Variants in GMPR observed in about 807,000 individuals in gnomAD.
The protein encoded by GMPR is GMP reductase 1.
In GMPR, 31 loss-of-function variants were observed where a neutral mutation model predicts 38.4. That is an observed-to-expected ratio of 0.81 (90% confidence interval 0.61 to 1.09). GMPR has a LOEUF of 1.09. Among genes scored for constraint, GMPR ranks in the 50% least tolerant of loss-of-function variants. The pLI is 0.00. For synonymous variants in GMPR, 162 were observed against 173.3 expected (o/e 0.93, Z 0.51); for missense variants, 468 against 453.7 (o/e 1.03, Z -0.29).
intron 1 of GMPR, among the ~76,000 whole-genome samples, chr6:16,244,074 C>T (rs981566236): frequency 3.3e-5 from 5 of 150,614 alleles, no homozygotes; most frequent in African/African-American, 9.7e-5. Flanking sequence ...TGTTCTGGTG[C>T]CTTTCTGGTT....
intron 5 of GMPR, among the ~76,000 whole-genome samples, chr6:16,278,402 G>C (rs550148602): frequency 6.6e-6 from 1 of 152,280 alleles, no homozygotes; most frequent in South Asian, 2.1e-4. Flanking sequence ...ATTCTGAGAG[G>C]TCCTTTAAAG....
intron 1 of GMPR, 125 bp downstream of exon 1, chr6:16,238,905 C>A: frequency 2.7e-6 from 1 of 372,266 alleles, no homozygotes; most frequent in South Asian, 6.9e-5. Context: ...TGGGGCGCTG[C>A]GCCCCCGTTC....
At chr6:16,243,657 G>A (rs1758696129) in intron 1 of GMPR, among the ~76,000 whole-genome samples, 1 of 152,162 alleles carries the variant, frequency 6.6e-6, no homozygotes, top group Admixed American at 6.5e-5. Flanking sequence ...GCTTTACTCG[G>A]TACCATCTGT....
At chr6:16,278,932 G>GC in intron 6 of GMPR, 42 bp downstream of exon 6, 6 of 1,234,092 alleles carry the variant, frequency 4.9e-6, no homozygotes, top group Non-Finnish European at 7.1e-6. Context: ...GTCTTGGGAG[G>GC]CCCCTGCTCC....
chr6:16,287,304 C>T (rs745694687), intron 7 of GMPR, among the ~76,000 whole-genome samples: 13 of 152,170 alleles, frequency 8.5e-5, no homozygotes, highest in African/African-American at 3.1e-4. Flanking sequence ...GGTGGTGGTC[C>T]ATCTTGGACT....
intron 4 of GMPR, among the ~76,000 whole-genome samples, chr6:16,261,075 G>A (rs914703280): frequency 4.6e-5 from 7 of 151,876 alleles, no homozygotes; most frequent in South Asian, 2.1e-4. Flanking sequence ...GGCGGCAGCC[G>A]CTGCACGGAG....
chr6:16,250,222 T>G, intron 2 of GMPR, 62 bp from the exon 3 acceptor site: 1 of 871,694 alleles, frequency 1.1e-6, no homozygotes, highest in Non-Finnish European at 2.0e-6. Flanking sequence ...CACCTCCAGA[T>G]GGAGGAGGGA....
intron 4 of GMPR, among the ~76,000 whole-genome samples, chr6:16,271,666 A>T (rs925627647): frequency 6.6e-6 from 1 of 152,146 alleles, no homozygotes; most frequent in African/African-American, 2.4e-5. Flanking sequence ...TCCTCGCACT[A>T]TAAAAAACAA....
intron 4 of GMPR, chr6:16,262,136 G>A (rs929613840): frequency 2.6e-5 from 4 of 151,804 alleles, no homozygotes; most frequent in African/African-American, 7.3e-5. Context: ...GCAATGTGGA[G>A]TGGGTAGCCT....
At position 16,254,582 on chromosome 6, in the gene GMPR, C is replaced by T; in HGVS notation, c.312C>T (p.Gly104=). The T allele has an allele frequency of 1.9e-6, 3 of 1,613,946 alleles. No homozygotes were observed. Among genetic ancestry groups the T allele is most frequent in the Non-Finnish European group, 2.5e-6 (3 of 1,179,822 alleles). ...TGCAGAATGTAGCCGTGAGTTCAGG[C>T]AGTGGGCAGAATGATCTGGAAAAGA... is the stretch of plus-strand genomic sequence containing the variant. ...ECLQNVAVSS[G]SGQNDLEKMT... is the part of the protein sequence containing the mutation. Residue 104 remains glycine, a synonymous_variant, in exon 4 of 9, where the codon GGC becomes GGT. Transcript: ENST00000259727.
intron 4 of GMPR, among the ~76,000 whole-genome samples, chr6:16,267,405 C>A (rs1372057983): frequency 1.3e-5 from 2 of 151,302 alleles, no homozygotes. Flanking sequence ...CTGTGAAGGT[C>A]TGTGGCTTCA....
At chr6:16,274,633 CA>C (rs1232941084) in intron 5 of GMPR, 137 bp downstream of exon 5, 40 of 606,520 alleles carry the variant, frequency 6.6e-5, no homozygotes, top group Non-Finnish European at 9.7e-5. Context: ...TTTCTGGAAG[CA>C]TAATTGAGCT....
intron 1 of GMPR, among the ~76,000 whole-genome samples, chr6:16,244,050 G>T (rs957244595): frequency 1.3e-5 from 2 of 151,958 alleles, no homozygotes; most frequent in African/African-American, 4.8e-5. Context: ...GCCAGGGCCG[G>T]CTCCCCGCTA....
chr6:16,266,428 G>C (rs926464982), intron 4 of GMPR, among the ~76,000 whole-genome samples: 1 of 129,976 alleles, frequency 7.7e-6, no homozygotes, highest in African/African-American at 2.8e-5. Context: ...CTGTGAAAAA[G>C]GTGGCACGTC....
intron 1 of GMPR, among the ~76,000 whole-genome samples, chr6:16,243,562 A>T (rs1758693979): frequency 6.6e-6 from 1 of 152,238 alleles, no homozygotes; most frequent in Non-Finnish European, 1.5e-5. Flanking sequence ...AAGTTGGAAG[A>T]CGTCCCTGTA....
At chr6:16,293,239 G>A (rs1759873204) in intron 8 of GMPR, among the ~76,000 whole-genome samples, 1 of 152,174 alleles carries the variant, frequency 6.6e-6, no homozygotes, top group African/African-American at 2.4e-5. Flanking sequence ...TGTAAAAGGC[G>A]ACACCACCAC....
chr6:16,294,862 T>C, intron 8 of GMPR, 144 bp from the exon 9 acceptor site: 1 of 648,136 alleles, frequency 1.5e-6, no homozygotes, highest in Admixed American at 3.0e-5. Context: ...TTGGTAGAAA[T>C]GTGGGGATGG....
At chr6:16,257,711 T>C (rs972505180) in intron 4 of GMPR, among the ~76,000 whole-genome samples, 1 of 152,238 alleles carries the variant, frequency 6.6e-6, no homozygotes, top group South Asian at 2.1e-4. Flanking sequence ...ATTTAGTGTC[T>C]AGTTTCACCG....
chr6:16,274,496 G>C lies in GMPR; in HGVS notation c.547G>C (p.Gly183Arg). 1.2e-5 allele frequency: 19 copies of C among 1,572,914 alleles called. No homozygotes were observed. The highest frequency in any genetic ancestry group is 1.7e-5 in the Non-Finnish European group (19 of 1,142,494). The change falls in exon 5 of 9, where the codon GGT becomes CGT. Residue 183 changes from glycine (G) to arginine (R), a missense_variant and splice_region_variant. By Grantham distance (125) the Gly-to-Arg change is moderately radical. Coordinates refer to ENST00000259727, the MANE Select transcript of GMPR (RefSeq NM_006877.4). ...ADIIKVGVGP[G>R]SVCTTRTKTG... Reference sequence around the variant, plus strand: ...TATCATCAAAGTGGGAGTTGGACCAGGTAAGACTTGTTAGGAGCACAGCAG... The same window carrying C: ...TATCATCAAAGTGGGAGTTGGACCACGTAAGACTTGTTAGGAGCACAGCAG...
Sources: gnomAD v4.1 joint callset for allele counts (sites outside exome capture counted in the v4.1 genomes callset) on GRCh38, gnomAD v4.1.1 for gene constraint, MANE v1.5 for transcripts, NCBI Gene and HGNC (gene_info 2026-07-23, HGNC 2026-07-21) for gene names.